LARP1B: variants seen among roughly 807,000 people sequenced by gnomAD.
LARP1B encodes the protein la-related protein 1B.
LARP1B carries 76 observed loss-of-function variants against 114.2 expected under a neutral mutation model. The observed-to-expected ratio is 0.67, with a 90% CI of 0.55 to 0.81. The LOEUF is 0.81. Ranked by LOEUF, LARP1B falls within the 30% of genes least tolerant of loss-of-function variation. The pLI, the probability that LARP1B is intolerant of heterozygous loss-of-function variation, is 0.00. For synonymous variants in LARP1B, 345 were observed against 348.0 expected, an observed-to-expected ratio of 0.99 and a Z score of 0.10; for missense variants, 1,014 against 1,075.8, an observed-to-expected ratio of 0.94 and a Z score of 0.80.
chr4:128,104,269 C>T (rs1781324007), intron 8 of LARP1B, among the ~76,000 whole-genome samples: 1 of 152,094 alleles, frequency 6.6e-6, no homozygotes, highest in Non-Finnish European at 1.5e-5. Context: ...TTTAAGAGGC[C>T]TCTCTCCTGT....
At chr4:128,200,988 G>T (rs377629133) in intron 17 of LARP1B, among the ~76,000 whole-genome samples, 41 of 152,348 alleles carry the variant, frequency 2.7e-4, no homozygotes, top group Middle Eastern at 3.4e-3. Flanking sequence ...TGAGCTTGCA[G>T]CCAAGATGTT....
chr4:128,105,491 C>T (rs1284829248), intron 8 of LARP1B, among the ~76,000 whole-genome samples: 1 of 152,192 alleles, frequency 6.6e-6, no homozygotes, highest in Non-Finnish European at 1.5e-5. Context: ...TTTTACTCAT[C>T]TAAAGCTTTC....
Position 128,207,140 on chromosome 4 carries a change from T to C in LARP1B, c.2420-116T>C, listed in dbSNP as rs1578772234. The C allele has an allele frequency of 6.3e-6, 3 of 474,268 alleles. No homozygotes were observed. In the East Asian group the frequency reaches 1.1e-4, roughly 17 times the overall value. The allele number at this position is 474,268 out of a possible 1,614,324, so 29.4% of individuals were successfully genotyped here. A position where few individuals can be genotyped will look rare whatever the true frequency, so the allele number is the denominator to read the frequency against. On this transcript the variant is annotated intron_variant, in intron 18 of 19. Coordinates refer to ENST00000326639, the MANE Select transcript of LARP1B (RefSeq NM_018078.4). ...TTCATTACATGTCTTATTCTCAAGA[T>C]CTAGAGTAAGCATATATTGGAAGAT...
In LARP1B at chr4:128,065,319, C is replaced by CTTT. The variant is rs756433630; in HGVS notation, c.-78+3919_-78+3920insTTT. Among the ~76,000 whole-genome samples the CTTT allele has an allele frequency of 4.4e-4, 26 of 59,710 alleles. 1 individual carries two copies. The highest frequency in any genetic ancestry group is 4.2e-4 in the African/African-American group (8 of 18,840). The allele number at this position is 59,710 out of a possible 152,430, so 39.2% of individuals were successfully genotyped here. A position where few individuals can be genotyped will look rare whatever the true frequency, so the allele number is the denominator to read the frequency against. The stretch of plus-strand genomic sequence containing the variant: ...TTTCTTTCTTTCTTTCTTTCTTTCT[C>CTTT]TCTCTCTCTCTCTTTCCTTTCTTTT... On this transcript the variant is annotated intron_variant, in intron 1 of 19. Coordinates refer to ENST00000326639, the MANE Select transcript of LARP1B (RefSeq NM_018078.4).
intron 11 of LARP1B, among the ~76,000 whole-genome samples, chr4:128,124,162 G>A (rs10857129): frequency 0.7 from 106,419 of 152,068 alleles, 37,784 homozygotes; most frequent in Middle Eastern, 0.85. Flanking sequence ...GAGTGAGAAG[G>A]TAACAAATAG....
At chr4:128,187,727 A>G (rs931671083) in intron 15 of LARP1B, among the ~76,000 whole-genome samples, 1 of 152,196 alleles carries the variant, frequency 6.6e-6, no homozygotes, top group African/African-American at 2.4e-5. Context: ...GTTTGGATCT[A>G]TGTCCCCACC....
intron 11 of LARP1B, among the ~76,000 whole-genome samples, chr4:128,146,421 G>C (rs913923901): frequency 2.6e-5 from 4 of 152,072 alleles, no homozygotes; most frequent in African/African-American, 9.7e-5. Context: ...TTCTATTTTT[G>C]TATATGTTAG....
In LARP1B at chr4:128,069,609, C is replaced by T. The variant is rs1159892722; in HGVS notation, c.-77-4851C>T. ...AGCTCCTGGATTTACTTGTATGCCC[C>T]CATCTTGGCTTACCTGATGGCTGCT... On this transcript the variant is annotated intron_variant, in intron 1 of 19. Coordinates refer to ENST00000326639, the MANE Select transcript of LARP1B (RefSeq NM_018078.4). The T allele has an allele frequency of 8.9e-6, 6 of 676,962 alleles. 1 individual carries two copies. The highest frequency in any genetic ancestry group is 8.1e-5 in the South Asian group (5 of 61,892). 41.9% of individuals were successfully genotyped at this position (676,962 alleles called of 1,614,324 possible).
chr4:128,074,493 A>G lies in LARP1B; in HGVS notation c.-44A>G. 1 of 928,148 alleles carries G rather than the reference A, an allele frequency of 1.1e-6. No individual in the cohort carries two copies. Among genetic ancestry groups the G allele is most frequent in the Non-Finnish European group, 1.3e-6 (1 of 777,284 alleles). 57.5% of individuals were successfully genotyped at this position (928,148 alleles called of 1,614,324 possible). A position where few individuals can be genotyped will look rare whatever the true frequency, so the allele number is the denominator to read the frequency against. The stretch of plus-strand genomic sequence containing the variant: ...TCCCTCAAAATTATAAAGGCAGGAA[A>G]GCTCAAGACAAAGAAATCCAACAAG... On this transcript the variant is annotated 5_prime_UTR_variant, in exon 2 of 20. Coordinates refer to ENST00000326639, the MANE Select transcript of LARP1B (RefSeq NM_018078.4).
chr4:128,180,560 A>G (rs1747991761), intron 15 of LARP1B, among the ~76,000 whole-genome samples: 1 of 152,196 alleles, frequency 6.6e-6, no homozygotes, highest in African/African-American at 2.4e-5. Flanking sequence ...TTGGGGTTAT[A>G]AGTGATTTTT....
Position 128,129,164 on chromosome 4 carries a change from C to CA in LARP1B, c.1524+7016dup, listed in dbSNP as rs559312234. Among the ~76,000 whole-genome samples, 250 of 49,138 alleles carry CA rather than the reference C, an allele frequency of 5.1e-3. 26 individuals are homozygous for CA. The highest frequency in any genetic ancestry group is 0.015 in the East Asian group (20 of 1,314). The allele number at this position is 49,138 out of a possible 152,430, so 32.2% of individuals were successfully genotyped here. On this transcript the variant is annotated intron_variant, in intron 11 of 19. Transcript: ENST00000326639. Reference sequence around the variant, plus strand: ...TGGGCGACAGAGCGAGACTCTGTCTCAAAAAAAAAAAAAAAAAAAAAAAAA... The same window carrying CA: ...TGGGCGACAGAGCGAGACTCTGTCTCAAAAAAAAAAAAAAAAAAAAAAAAAA...
intron 7 of LARP1B, chr4:128,222,247 G>C: frequency 2.2e-6 from 1 of 447,504 alleles, no homozygotes. Context: ...AGTGACAAGA[G>C]CATGATTTCC....
chr4:128,120,324 GAAAAATGAATGTAACACCAAGT>G lies in LARP1B; in HGVS notation c.1162-1500_1162-1479del, dbSNP rs1787460247. On this transcript the variant is annotated intron_variant, in intron 10 of 19. Transcript: ENST00000326639. Reference sequence around the variant, plus strand: ...TGAAGGGTAAAATAGGCCAGAGGACGAAAAATGAATGTAACACCAAGTAGAAACTACTTCCTTCTGTTGGGAG... The same window carrying G: ...TGAAGGGTAAAATAGGCCAGAGGACGAGAAACTACTTCCTTCTGTTGGGAG... Among the ~76,000 whole-genome samples the G allele has an allele frequency of 2.0e-5, 3 of 152,196 alleles. No individual in the cohort carries two copies. The East Asian group carries it at 5.8e-4, about 29-fold the overall frequency.
At chr4:128,091,629 C>T (rs1392321383) in intron 7 of LARP1B, 117 bp downstream of exon 7, 1 of 720,982 alleles carries the variant, frequency 1.4e-6, no homozygotes, top group African/African-American at 1.9e-5. Context: ...CAGAGTCTCA[C>T]TCTGTTGCCC....
At chr4:128,212,286 G>A (rs964487099), downstream of LARP1B, among the ~76,000 whole-genome samples, 4 of 152,052 alleles carry the variant, frequency 2.6e-5, no homozygotes, top group East Asian at 1.9e-4. Context: ...TGAATATGCC[G>A]AGTTTACGTA....
intron 1 of LARP1B, among the ~76,000 whole-genome samples, chr4:128,073,076 A>C (rs1266607924): frequency 6.6e-6 from 1 of 152,130 alleles, no homozygotes; most frequent in Non-Finnish European, 1.5e-5. Context: ...GAATTCTTTT[A>C]TTAAAAGTTA....
At chr4:128,123,654 A>G (rs185302686) in intron 11 of LARP1B, 1 of 703,514 alleles carries the variant, frequency 1.4e-6, no homozygotes, top group Admixed American at 6.3e-5. Context: ...GCACAAAGAA[A>G]TGTTCAATTC....
intron 6 of LARP1B, among the ~76,000 whole-genome samples, chr4:128,219,575 C>T (rs1292007803): frequency 8.9e-5 from 10 of 112,894 alleles, no homozygotes; most frequent in Non-Finnish European, 1.3e-4. Flanking sequence ...TATTCTCACT[C>T]ATAGGTGGGA....
chr4:128,062,989 G>T (rs748459436), intron 1 of LARP1B, among the ~76,000 whole-genome samples: 4 of 152,130 alleles, frequency 2.6e-5, no homozygotes, highest in Non-Finnish European at 5.9e-5. Context: ...TGCGAGCGTG[G>T]ATTGCACGTT....
Sources: allele counts gnomAD v4.1 joint callset (sites outside exome capture counted in the v4.1 genomes callset), GRCh38; gene constraint gnomAD v4.1.1; transcripts MANE v1.5; gene names NCBI Gene and HGNC (gene_info 2026-07-23, HGNC 2026-07-21).